Variants in TMEM120B observed in about 807,000 individuals in gnomAD.
TMEM120B encodes the protein transmembrane protein 120B.
Under a neutral mutation model 55.5 loss-of-function variants are expected in TMEM120B, and 31 were observed. That is an observed-to-expected ratio of 0.56 (90% CI 0.42 to 0.75). TMEM120B has a LOEUF of 0.75. Among genes scored for constraint, TMEM120B ranks in the 30% least tolerant of loss-of-function variants. The pLI is 0.00. For synonymous variants in TMEM120B, 203 were observed against 176.3 expected, an observed-to-expected ratio of 1.15 and a Z score of -1.20; for missense variants, 399 against 425.5, an observed-to-expected ratio of 0.94 and a Z score of 0.55.
At chr12:121,722,996 G>C (rs1166631788) in intron 1 of TMEM120B, among the ~76,000 whole-genome samples, 1 of 151,820 alleles carries the variant, frequency 6.6e-6, no homozygotes, top group Non-Finnish European at 1.5e-5. Flanking sequence ...TTACAGGCAT[G>C]CACCTCCACA....
At chr12:121,717,665 C>A (rs754790439) in intron 1 of TMEM120B, among the ~76,000 whole-genome samples, 15 of 152,192 alleles carry the variant, frequency 9.9e-5, no homozygotes, top group Non-Finnish European at 2.1e-4. Context: ...GTCTTTCTTT[C>A]TTTTTTATTT....
Position 121,775,092 on chromosome 12 carries a change from T to G in TMEM120B, c.868T>G (p.Phe290Val). The part of the protein sequence containing the change: ...FWQLYNAVTL[F>V]ELSSHEECRE... ...GCAGCTCTACAATGCCGTCACGCTG[T>G]TTGAGCTCTCCAGCCACGAGGAATG... is the stretch of plus-strand genomic sequence containing the variant. The change falls in exon 11 of 12, where the codon TTT (phenylalanine) becomes GTT (valine). Residue 290 changes from phenylalanine (F) to valine (V), a missense_variant. Coordinates refer to ENST00000449592, the MANE Select transcript of TMEM120B (RefSeq NM_001080825.2). The surrounding 1 kb of genome is among the most constrained non-coding windows in gnomAD (Gnocchi z 4.3). The G allele has an allele frequency of 1.3e-6, 2 of 1,599,490 alleles. No individual in the cohort carries two copies. The highest frequency in any genetic ancestry group is 1.7e-6 in the Non-Finnish European group (2 of 1,171,874).
intron 1 of TMEM120B, among the ~76,000 whole-genome samples, chr12:121,718,874 G>C (rs1566504636): frequency 6.6e-6 from 1 of 152,170 alleles, no homozygotes; most frequent in Non-Finnish European, 1.5e-5. Context: ...CTCAGGTGAT[G>C]TCTGTGTCTG....
intron 1 of TMEM120B, among the ~76,000 whole-genome samples, chr12:121,734,880 T>G (rs1895075429): frequency 1.3e-5 from 2 of 150,408 alleles, no homozygotes; most frequent in African/African-American, 4.9e-5. Flanking sequence ...GCCATTGCAC[T>G]CCAGCCTGGG....
intron 5 of TMEM120B, chr12:121,758,080 C>A: frequency 2.5e-6 from 2 of 800,972 alleles, no homozygotes; most frequent in African/African-American, 1.9e-5. Flanking sequence ...GATCACGTCA[C>A]TGCACTCCAG....
At chr12:121,773,167 A>C (rs950474386) in intron 8 of TMEM120B, among the ~76,000 whole-genome samples, 1 of 152,214 alleles carries the variant, frequency 6.6e-6, no homozygotes, top group African/African-American at 2.4e-5. Flanking sequence ...CAGAAGTTTC[A>C]AATCTAGTTG....
intron 1 of TMEM120B, among the ~76,000 whole-genome samples, chr12:121,714,560 T>C (rs1419606922): frequency 4.5e-5 from 6 of 132,906 alleles, no homozygotes; most frequent in Non-Finnish European, 8.1e-5. Flanking sequence ...GCCACTTCTT[T>C]TTTTTTTTTT....
At chr12:121,725,489 G>C (rs1034775497) in intron 1 of TMEM120B, among the ~76,000 whole-genome samples, 2 of 152,090 alleles carry the variant, frequency 1.3e-5, no homozygotes, top group African/African-American at 4.8e-5. Flanking sequence ...ATCTACCCAA[G>C]AGAAATGAAA....
chr12:121,718,956 A>G (rs2136967624), intron 1 of TMEM120B, among the ~76,000 whole-genome samples: 1 of 152,274 alleles, frequency 6.6e-6, no homozygotes, highest in East Asian at 1.9e-4. Flanking sequence ...GTTGTGGCAA[A>G]GATGGCCAGG....
In TMEM120B at chr12:121,775,872, G is replaced by A; in HGVS notation, c.*150G>A. 1 of 793,818 alleles carries A rather than the reference G, an allele frequency of 1.3e-6. No homozygotes were observed. The allele number at this position is 793,818 out of a possible 1,614,324, so 49.2% of individuals were successfully genotyped here. On this transcript the variant is annotated 3_prime_UTR_variant, in exon 12 of 12. Transcript: ENST00000449592. The surrounding 1 kb of genome is among the most constrained non-coding windows in gnomAD (Gnocchi z 4.3). ...ACCCCAGTGGTCTAGAGGAATGTGA[G>A]CCCCGCCTGTCCGCACAGTGTCCGC... is the stretch of plus-strand genomic sequence containing the variant.
chr12:121,760,125 G>A (rs1343207764), intron 5 of TMEM120B, among the ~76,000 whole-genome samples: 6 of 110,424 alleles, frequency 5.4e-5, no homozygotes, highest in African/African-American at 7.2e-5. Context: ...GCGAAACTAC[G>A]TCTCAAAAAA....
chr12:121,757,158 CTTATTTA>C (rs1426291738), intron 5 of TMEM120B, among the ~76,000 whole-genome samples: 2 of 148,458 alleles, frequency 1.3e-5, no homozygotes, highest in Admixed American at 6.7e-5. Flanking sequence ...GGGGGTGTCA[CTTATTTA>C]TTATTTATAT....
chr12:121,748,274 C>A lies in TMEM120B; in HGVS notation c.189-52C>A, dbSNP rs1363233849. ...GCTGGGGCCCGGGGAGTCCATAGCC[C>A]TCCTCCCTCTGAGTGACGCCCCTTC... On this transcript the variant is annotated intron_variant, in intron 2 of 11. Transcript: ENST00000449592. The A allele has an allele frequency of 2.8e-6, 4 of 1,439,396 alleles. No homozygotes were observed. In the East Asian group the frequency reaches 6.9e-5, roughly 25 times the overall value. The allele number at this position is 1,439,396 out of a possible 1,614,324, so 89.2% of individuals were successfully genotyped here.
intron 1 of TMEM120B, among the ~76,000 whole-genome samples, chr12:121,723,574 C>T (rs754338367): frequency 1.3e-4 from 20 of 152,144 alleles, no homozygotes; most frequent in Non-Finnish European, 2.4e-4. Context: ...ATACCCCAGC[C>T]TCTCTCTTCT....
intron 3 of TMEM120B, 54 bp downstream of exon 3, chr12:121,748,496 A>C: frequency 2.4e-6 from 3 of 1,241,910 alleles, no homozygotes; most frequent in Non-Finnish European, 3.4e-6. Context: ...CAGGCCTAGC[A>C]CAGCTGGTCC....
intron 1 of TMEM120B, among the ~76,000 whole-genome samples, chr12:121,737,478 G>T (rs956450816): frequency 6.6e-6 from 1 of 151,610 alleles, no homozygotes; most frequent in African/African-American, 2.4e-5. Context: ...GCACTCCAGC[G>T]TGGGTGACAG....
intron 8 of TMEM120B, among the ~76,000 whole-genome samples, 160 bp downstream of exon 8, chr12:121,771,709 C>G (rs900000646): frequency 6.6e-6 from 1 of 152,050 alleles, no homozygotes; most frequent in Non-Finnish European, 1.5e-5. Context: ...CTGTCCCCGC[C>G]CCAGGTCAGC....
intron 5 of TMEM120B, 136 bp downstream of exon 5, chr12:121,752,359 G>A: frequency 1.5e-6 from 1 of 686,376 alleles, no homozygotes; most frequent in South Asian, 1.8e-5. Flanking sequence ...GGGAGAGAGG[G>A]GCCATTTCTC....
intron 1 of TMEM120B, among the ~76,000 whole-genome samples, chr12:121,738,170 A>T (rs1319074797): frequency 6.6e-6 from 1 of 151,834 alleles, no homozygotes; most frequent in East Asian, 1.9e-4. Context: ...GAGGCAGGAG[A>T]ATTGCTTGAA....
Sources: allele counts gnomAD v4.1 joint callset (sites outside exome capture counted in the v4.1 genomes callset), GRCh38; gene constraint gnomAD v4.1.1; non-coding constraint Gnocchi (gnomAD v3.1); transcripts MANE v1.5; gene names NCBI Gene and HGNC (gene_info 2026-07-23, HGNC 2026-07-21).